The following LRRC37A3 variants were observed in gnomAD, a reference collection of about 807,000 sequenced individuals.
LRRC37A3 encodes the protein leucine-rich repeat-containing protein 37A3.
In LRRC37A3, 25 loss-of-function variants were observed where a neutral mutation model predicts 106.2. The ratio of observed to expected loss-of-function variants is 0.24; its 90% CI spans 0.17 to 0.33. The LOEUF is 0.33. Ranked by LOEUF, LRRC37A3 falls within the 10% of genes least tolerant of loss-of-function variation. The pLI is 1.00. For missense variants in LRRC37A3, 712 were observed against 1,644.9 expected (o/e 0.43, Z 9.81); for synonymous variants, 305 against 635.8 (o/e 0.48, Z 7.83).
intron 2 of LRRC37A3, chr17:64,905,717 AT>A (rs1974449346): frequency 2.1e-5 from 1 of 47,254 alleles, no homozygotes; most frequent in Non-Finnish European, 3.8e-5. Context: ...CATCCAAGTG[AT>A]TGAGATTATT....
chr17:64,869,029 AG>A, intron 9 of LRRC37A3, 65 bp downstream of exon 9: 1 of 1,540,504 alleles, frequency 6.5e-7, no homozygotes, highest in South Asian at 1.2e-5. Flanking sequence ...AAAATACTTA[AG>A]CTTTGATGAA....
Position 64,855,773 on chromosome 17 carries a change from G to C in LRRC37A3, c.4859+67C>G, listed in dbSNP as rs1972657171. The C allele has an allele frequency of 1.9e-6, 3 of 1,605,562 alleles. No homozygotes were observed. The East Asian group carries it at 6.7e-5, about 36-fold the overall frequency. On this transcript the variant is annotated intron_variant, in intron 14 of 14. Coordinates refer to ENST00000584306, the MANE Select transcript of LRRC37A3 (RefSeq NM_199340.5). Reference sequence around the variant, plus strand: ...GCCGAGATCGCGTCATTGCACTCCAGCCTGGCAACAAGAGGGAAACTCCGT... The same window carrying C: ...GCCGAGATCGCGTCATTGCACTCCACCCTGGCAACAAGAGGGAAACTCCGT...
At chr17:64,899,419 CAAAAAAAA>C (rs71215666) in intron 2 of LRRC37A3, among the ~76,000 whole-genome samples, 11 of 100,226 alleles carry the variant, frequency 1.1e-4, no homozygotes, top group South Asian at 5.9e-4. Flanking sequence ...GACTCCATCT[CAAAAAAAA>C]AAAAAAAAAA....
chr17:64,859,915 C>T lies in LRRC37A3; in HGVS notation c.4231G>A (p.Gly1411Arg), dbSNP rs1972810060. ...VFMENTNMPE[G>R]TISENTNYNH... The stretch of plus-strand genomic sequence containing the variant: ...TAGTTTGTGTTTTCAGAGATGGTTC[C>T]TTCTGGCATGTTAGTGTTTTCCATA... The change falls in exon 12 of 15, where the codon GGA (glycine) becomes AGA (arginine). Residue 1411 changes from glycine (G) to arginine (R), a missense_variant. Transcript: ENST00000584306. 1 of 1,613,606 alleles carries T rather than the reference C, an allele frequency of 6.2e-7. No individual in the cohort carries two copies. Among genetic ancestry groups the T allele is most frequent in the South Asian group, 1.1e-5 (1 of 91,062 alleles).
At chr17:64,890,170 C>T (rs1973914138) in intron 5 of LRRC37A3, among the ~76,000 whole-genome samples, 2 of 131,168 alleles carry the variant, frequency 1.5e-5, no homozygotes, top group South Asian at 2.2e-4. Flanking sequence ...CAACCTTTTT[C>T]CCCCCATCAA....
chr17:64,909,127 T>G (rs1300204889), intron 2 of LRRC37A3, among the ~76,000 whole-genome samples: 1 of 152,188 alleles, frequency 6.6e-6, no homozygotes, highest in South Asian at 2.1e-4. Flanking sequence ...GGAACCATAC[T>G]TTGAGAAACA....
intron 2 of LRRC37A3, among the ~76,000 whole-genome samples, chr17:64,913,041 T>C (rs1326719217): frequency 1.2e-3 from 178 of 147,458 alleles, no homozygotes; most frequent in Middle Eastern, 3.5e-3. Flanking sequence ...TTTTTTTTTT[T>C]CCCCCGAGAT....
chr17:64,863,456 T>C (rs1040285695), intron 10 of LRRC37A3: 4 of 185,070 alleles, frequency 2.2e-5, no homozygotes, highest in African/African-American at 9.6e-5. Context: ...TTAACCTGGA[T>C]TGCGGAGTTA....
intron 1 of LRRC37A3, among the ~76,000 whole-genome samples, chr17:64,919,185 G>A (rs1441278518): frequency 1.3e-5 from 2 of 151,850 alleles, no homozygotes; most frequent in African/African-American, 4.8e-5. Context: ...CGGCGGCGGC[G>A]GCGGGGCCGG....
rs190781155 is a variant in LRRC37A3, at chr17:64,919,323, G to C, written c.-617+108C>G. 2,605 of 473,432 alleles carry C rather than the reference G, an allele frequency of 5.5e-3. 41 individuals are homozygous for C. The highest frequency in any genetic ancestry group is 0.049 in the African/African-American group (2,397 of 48,550). 29.3% of individuals were successfully genotyped at this position (473,432 alleles called of 1,614,324 possible). A position where few individuals can be genotyped will look rare whatever the true frequency, so the allele number is the denominator to read the frequency against. On this transcript the variant is annotated intron_variant, in intron 1 of 14. Coordinates refer to ENST00000584306, the MANE Select transcript of LRRC37A3 (RefSeq NM_199340.5). ...AAGGGGCGGGCGCAATGGGCGCAGTGGGGGCGGCCGGGGCCGGGTGGGGAG... is the reference window on the plus strand; with the variant it reads ...AAGGGGCGGGCGCAATGGGCGCAGTCGGGGCGGCCGGGGCCGGGTGGGGAG...
chr17:64,875,008 T>C (rs1333549956), intron 8 of LRRC37A3, among the ~76,000 whole-genome samples: 1 of 151,918 alleles, frequency 6.6e-6, no homozygotes, highest in African/African-American at 2.4e-5. Flanking sequence ...CTTTGTTCAC[T>C]TGTTTATCTG....
Position 64,896,833 on chromosome 17 carries a change from C to A in LRRC37A3, c.425G>T (p.Arg142Met). ...DLKDKLSPQERLPVSPKKLKK... is the reference protein window; with the variant it reads ...DLKDKLSPQEMLPVSPKKLKK... ...CAGCTTCTTGGGCGAAACAGGGAGC[C>A]TTTCCTGTGGACTCAGCTTGTCCTT... Residue 142 changes from arginine to methionine, a missense_variant, in exon 4 of 15, where the codon AGG (arginine) becomes ATG (methionine). By Grantham distance (91) the Arg-to-Met change is moderately conservative. Coordinates refer to ENST00000584306, the MANE Select transcript of LRRC37A3 (RefSeq NM_199340.5). 1 of 1,610,214 alleles carries A rather than the reference C, an allele frequency of 6.2e-7. No individual in the cohort carries two copies. The highest frequency in any genetic ancestry group is 1.1e-5 in the South Asian group (1 of 91,050).
chr17:64,871,960 C>T (rs1336288149), intron 8 of LRRC37A3, among the ~76,000 whole-genome samples: 3 of 151,692 alleles, frequency 2.0e-5, no homozygotes, highest in Admixed American at 1.3e-4. Context: ...GGCGAAACCC[C>T]GTCTGTACTA....
At chr17:64,865,190 G>A (rs961685112) in intron 10 of LRRC37A3, among the ~76,000 whole-genome samples, 4 of 152,164 alleles carry the variant, frequency 2.6e-5, no homozygotes, top group Non-Finnish European at 4.4e-5. Context: ...TGTTACACAG[G>A]CTGAGTGCAG....
At chr17:64,893,934 G>A (rs1340154762) in intron 4 of LRRC37A3, among the ~76,000 whole-genome samples, 3 of 148,612 alleles carry the variant, frequency 2.0e-5, no homozygotes, top group East Asian at 3.9e-4. Context: ...TTACAGGCGT[G>A]AGCCACCACA....
chr17:64,861,512 A>T (rs1324892769), intron 11 of LRRC37A3, among the ~76,000 whole-genome samples: 1 of 152,220 alleles, frequency 6.6e-6, no homozygotes, highest in Non-Finnish European at 1.5e-5. Context: ...CTCATCTGGC[A>T]TGCGCTCCAC....
At chr17:64,855,028 G>C (rs1972630647) in intron 14 of LRRC37A3, among the ~76,000 whole-genome samples, 1 of 152,100 alleles carries the variant, frequency 6.6e-6, no homozygotes, top group African/African-American at 2.4e-5. Flanking sequence ...GTAGAGATGG[G>C]CTTTCACCAT....
At chr17:64,915,087 A>G (rs1974673204) in intron 2 of LRRC37A3, among the ~76,000 whole-genome samples, 1 of 152,180 alleles carries the variant, frequency 6.6e-6, no homozygotes, top group Non-Finnish European at 1.5e-5. Context: ...TAGAGTCAAC[A>G]ATAACTTAGT....
At chr17:64,863,809 AATT>A (rs1305959991) in intron 10 of LRRC37A3, among the ~76,000 whole-genome samples, 1 of 152,064 alleles carries the variant, frequency 6.6e-6, no homozygotes, top group Non-Finnish European at 1.5e-5. Flanking sequence ...CCAAGGGGAA[AATT>A]ATTATTTTTT....
Sources: allele counts gnomAD v4.1 joint callset (sites outside exome capture counted in the v4.1 genomes callset), GRCh38; gene constraint gnomAD v4.1.1; transcripts MANE v1.5; gene names NCBI Gene and HGNC (gene_info 2026-07-23, HGNC 2026-07-21).